Variants in SPATA13 observed in about 807,000 individuals in gnomAD.
SPATA13 encodes spermatogenesis associated 13.
SPATA13 carries 50 observed loss-of-function variants against 104.0 expected under a neutral mutation model. That is an observed-to-expected ratio of 0.48 (90% CI 0.38 to 0.61). The LOEUF (loss-of-function observed/expected upper bound fraction) is 0.61, where lower values mean the gene tolerates loss of function less well. SPATA13 is among the 20% of genes least tolerant of loss of function. The probability of loss-of-function intolerance (pLI) is 0.00; values close to 1 mark genes in which losing one functional copy is unlikely to be tolerated. For missense variants in SPATA13, 1,524 were observed against 1,690.6 expected (o/e 0.90, Z 1.73); for synonymous variants, 606 against 667.5 (o/e 0.91, Z 1.42).
chr13:24,034,094 T>C (rs897993221), intron 3 of SPATA13: 1 of 152,116 alleles, frequency 6.6e-6, no homozygotes, highest in Non-Finnish European at 1.5e-5. Flanking sequence ...ACAGAAAAAT[T>C]CCTCTAAGGA....
chr13:24,099,917 G>T (rs1032967001), intron 3 of SPATA13, among the ~76,000 whole-genome samples: 2 of 152,186 alleles, frequency 1.3e-5, no homozygotes, highest in African/African-American at 4.8e-5. Context: ...ACGAAGAAAT[G>T]CAAAGACGCC....
intron 2 of SPATA13, among the ~76,000 whole-genome samples, chr13:23,990,154 A>G (rs927479201): frequency 1.3e-5 from 2 of 151,974 alleles, no homozygotes; most frequent in Non-Finnish European, 2.9e-5. Flanking sequence ...ATGCCACCCA[A>G]TCCCTGCTGG....
intron 3 of SPATA13, among the ~76,000 whole-genome samples, chr13:24,147,112 G>T (rs1881957610): frequency 6.6e-6 from 1 of 152,092 alleles, no homozygotes; most frequent in African/African-American, 2.4e-5. Flanking sequence ...TGATTGTTCA[G>T]ATAATTTTTT....
intron 4 of SPATA13, among the ~76,000 whole-genome samples, chr13:24,265,702 G>A (rs937323284): frequency 2.0e-5 from 3 of 152,056 alleles, no homozygotes; most frequent in Non-Finnish European, 4.4e-5. Flanking sequence ...AAAGCTGATG[G>A]CCATGCTTTC....
intron 1 of SPATA13, among the ~76,000 whole-genome samples, chr13:24,216,884 C>A (rs1013220033): frequency 6.6e-6 from 1 of 152,092 alleles, no homozygotes; most frequent in Non-Finnish European, 1.5e-5. Context: ...AACCCTGTCT[C>A]TACTAAAAAT....
At chr13:24,163,588 T>C (rs530186448) in intron 1 of SPATA13, among the ~76,000 whole-genome samples, 53 of 152,362 alleles carry the variant, frequency 3.5e-4, no homozygotes, top group African/African-American at 1.3e-3. Context: ...ATTTCTTTTT[T>C]AGTCTTTATC....
chr13:24,067,973 G>A (rs1021670427), intron 3 of SPATA13, among the ~76,000 whole-genome samples: 34 of 152,206 alleles, frequency 2.2e-4, no homozygotes, highest in African/African-American at 7.9e-4. Flanking sequence ...CAAAGTGCTA[G>A]GATTATAGTT....
chr13:24,300,350 G>A, intron 11 of SPATA13, 51 bp from the exon 12 acceptor site: 1 of 1,501,308 alleles, frequency 6.7e-7, no homozygotes, highest in Non-Finnish European at 9.2e-7. Flanking sequence ...GTTTTGCTCT[G>A]AAACATGTCC....
intron 3 of SPATA13, among the ~76,000 whole-genome samples, chr13:24,106,317 G>A (rs1027884895): frequency 6.6e-6 from 1 of 152,192 alleles, no homozygotes; most frequent in African/African-American, 2.4e-5. Flanking sequence ...ACAGTTGTGA[G>A]CTACCTTACC....
chr13:24,082,842 A>T (rs1263017868), intron 3 of SPATA13, among the ~76,000 whole-genome samples: 1 of 150,706 alleles, frequency 6.6e-6, no homozygotes, highest in Non-Finnish European at 1.5e-5. Flanking sequence ...AAAAAAAAAA[A>T]AAAAAAAAAA....
Position 24,223,832 on chromosome 13 carries a change from G to C in SPATA13, c.903G>C (p.Gly301=). Residue 301 remains glycine, a synonymous_variant, in exon 2 of 13, where the codon GGG becomes GGC. Coordinates refer to ENST00000382108, the MANE Select transcript of SPATA13 (RefSeq NM_001166271.3). ...CCTCCACTGACTCCCAAAAGCTTGG[G>C]TCAGGAAGGACCAAACGCTGGAGGA... The part of the protein sequence containing the change: ...SSSSTDSQKL[G]SGRTKRWRSP... 1 of 1,551,794 alleles carries C rather than the reference G, an allele frequency of 6.4e-7. No individual in the cohort carries two copies. The highest frequency in any genetic ancestry group is 1.2e-5 in the South Asian group (1 of 84,070).
At chr13:24,193,389 A>G (rs2138555720) in intron 1 of SPATA13, among the ~76,000 whole-genome samples, 1 of 152,260 alleles carries the variant, frequency 6.6e-6, no homozygotes, top group East Asian at 1.9e-4. Flanking sequence ...GGCGGTGGCC[A>G]TGTTGTTTGT....
Position 24,249,789 on chromosome 13 carries a change from G to A in SPATA13, c.1966G>A (p.Val656Ile), listed in dbSNP as rs1292764788. ...GCGCCCCATTTCCGTGATAGGTGGG[G>A]TCAGCTTGTATGGGACCAACCAGAC... ...RRRPISVIGG[V>I]SLYGTNQTEE... is the part of the protein sequence containing the mutation. The change falls in exon 3 of 13, where the codon GTC (valine) becomes ATC (isoleucine). Residue 656 changes from valine (V) to isoleucine (I), a missense_variant. Val to Ile is a conservative substitution (Grantham distance 29). Transcript: ENST00000382108. The A allele has an allele frequency of 1.2e-6, 2 of 1,613,644 alleles. No individual in the cohort carries two copies. Among genetic ancestry groups the A allele is most frequent in the Non-Finnish European group, 1.7e-6 (2 of 1,179,954 alleles).
At chr13:24,167,228 G>C (rs1593374843) in intron 1 of SPATA13, among the ~76,000 whole-genome samples, 1 of 152,174 alleles carries the variant, frequency 6.6e-6, no homozygotes, top group South Asian at 2.1e-4. Flanking sequence ...TGTCTCTCTG[G>C]TGGTGGAGGC....
chr13:24,150,392 T>C (rs1341398904), intron 3 of SPATA13, among the ~76,000 whole-genome samples: 1 of 152,196 alleles, frequency 6.6e-6, no homozygotes, highest in African/African-American at 2.4e-5. Flanking sequence ...TCCAATCCTA[T>C]GAGATGTCAC....
upstream of SPATA13, among the ~76,000 whole-genome samples, chr13:24,157,455 C>T (rs1006438617): frequency 1.4e-3 from 209 of 152,264 alleles, 1 homozygote; most frequent in African/African-American, 4.8e-3. Flanking sequence ...CCCGCCACCA[C>T]GCCCGGCTAA....
intron 1 of SPATA13, among the ~76,000 whole-genome samples, chr13:24,207,238 G>A (rs1379832230): frequency 6.6e-6 from 1 of 152,112 alleles, no homozygotes; most frequent in East Asian, 1.9e-4. Flanking sequence ...ATGCAAGGAG[G>A]GACAGCATTA....
At chr13:24,290,421 C>T (rs1363170678) in intron 8 of SPATA13, among the ~76,000 whole-genome samples, 1 of 152,136 alleles carries the variant, frequency 6.6e-6, no homozygotes, top group African/African-American at 2.4e-5. Flanking sequence ...GCCTCATCCC[C>T]AACCCCCTCA....
intron 2 of SPATA13, among the ~76,000 whole-genome samples, chr13:24,002,666 C>T (rs564458601): frequency 4.8e-4 from 73 of 152,214 alleles, no homozygotes; most frequent in African/African-American, 1.4e-3. Context: ...ATAGGACTGC[C>T]GCAAGCCTCG....
Sources: gnomAD v4.1 joint callset for allele counts (sites outside exome capture counted in the v4.1 genomes callset) on GRCh38, gnomAD v4.1.1 for gene constraint, MANE v1.5 for transcripts, NCBI Gene and HGNC (gene_info 2026-07-23, HGNC 2026-07-21) for gene names.